The following SMURF2 variants were observed in gnomAD, a reference collection of about 807,000 sequenced individuals.
The protein encoded by SMURF2 is SMAD specific E3 ubiquitin protein ligase 2, also known as E3 ubiquitin-protein ligase SMURF2.
SMURF2 carries 48 observed loss-of-function variants against 109.6 expected under a neutral mutation model. The observed-to-expected ratio is 0.44, with a 90% CI of 0.35 to 0.56. The LOEUF is 0.56. Ranked by LOEUF, SMURF2 falls within the 20% of genes least tolerant of loss-of-function variation. The pLI is 0.01. For synonymous variants in SMURF2, 288 were observed against 317.1 expected, an observed-to-expected ratio of 0.91 and a Z score of 0.97; for missense variants, 575 against 909.0, an observed-to-expected ratio of 0.63 and a Z score of 4.72.
intron 1 of SMURF2, among the ~76,000 whole-genome samples, 187 bp from the exon 2 acceptor site, chr17:64,606,827 G>A (rs1388377333): frequency 6.6e-6 from 1 of 152,106 alleles, no homozygotes; most frequent in Non-Finnish European, 1.5e-5. Flanking sequence ...AACTTTCAAT[G>A]ATCACCAGTA....
intron 1 of SMURF2, among the ~76,000 whole-genome samples, chr17:64,612,298 C>T (rs563579069): frequency 6.6e-6 from 1 of 152,032 alleles, no homozygotes; most frequent in East Asian, 1.9e-4. Context: ...TGAAATAGAC[C>T]CTAAAATAAT....
chr17:64,605,744 AAT>A (rs71158333), intron 2 of SMURF2, among the ~76,000 whole-genome samples: 1,410 of 99,004 alleles, frequency 0.014, 34 homozygotes, highest in South Asian at 0.021. Flanking sequence ...CTCTAAAAAG[AAT>A]ATATATATAT....
At chr17:64,589,932 G>A (rs1969726145) in intron 5 of SMURF2, among the ~76,000 whole-genome samples, 1 of 151,886 alleles carries the variant, frequency 6.6e-6, no homozygotes, top group Admixed American at 6.6e-5. Flanking sequence ...AAAATGGTGG[G>A]GTGCGCTGGT....
chr17:64,550,383 G>A (rs536224327), intron 16 of SMURF2, among the ~76,000 whole-genome samples: 63 of 152,296 alleles, frequency 4.1e-4, no homozygotes, highest in African/African-American at 1.5e-3. Flanking sequence ...AGGAAATTCA[G>A]ATGCATTTGT....
In SMURF2 at chr17:64,662,024, A is replaced by G; in HGVS notation, c.-144T>C. The G allele has an allele frequency of 2.7e-6, 3 of 1,113,014 alleles. No individual in the cohort carries two copies. Among genetic ancestry groups the G allele is most frequent in the Non-Finnish European group, 2.2e-6 (2 of 912,364 alleles). The allele number at this position is 1,113,014 out of a possible 1,614,324, so 68.9% of individuals were successfully genotyped here. A position where few individuals can be genotyped will look rare whatever the true frequency, so the allele number is the denominator to read the frequency against. On this transcript the variant is annotated 5_prime_UTR_variant, in exon 1 of 19. Coordinates refer to ENST00000262435, the MANE Select transcript of SMURF2 (RefSeq NM_022739.4). ...GCCGGAGGGTCCCGGATGTGCCGAG[A>G]GTCGTCGCCATGAGCCGCGGAGGGA...
chr17:64,555,799 G>T, intron 14 of SMURF2, 21 bp downstream of exon 14: 1 of 1,513,736 alleles, frequency 6.6e-7, no homozygotes, highest in Admixed American at 1.9e-5. Context: ...ATAATGAAGA[G>T]ATAGAAGACT....
At chr17:64,611,089 C>T (rs1970037355) in intron 1 of SMURF2, among the ~76,000 whole-genome samples, 1 of 152,204 alleles carries the variant, frequency 6.6e-6, no homozygotes, top group Admixed American at 6.5e-5. Context: ...TGCTATAAAA[C>T]TTGAAGTTCT....
rs202030178 is a variant in SMURF2, at chr17:64,656,670, TA to T, written c.52+5158del. On this transcript the variant is annotated intron_variant, in intron 1 of 18. Coordinates refer to ENST00000262435, the MANE Select transcript of SMURF2 (RefSeq NM_022739.4). ...AAGCATCCTAAAAAAAAAGAATCCT[TA>T]AAAAAAAAATCAAAGTTACCTACAC... 3.2e-3 allele frequency among the ~76,000 whole-genome samples: 479 copies of T among 149,514 alleles called. 22 individuals are homozygous for T. In the East Asian group the frequency reaches 0.076, roughly 24 times the overall value.
chr17:64,596,654 A>C (rs1969823554), intron 3 of SMURF2, among the ~76,000 whole-genome samples: 2 of 151,878 alleles, frequency 1.3e-5, no homozygotes, highest in African/African-American at 4.8e-5. Context: ...TGCCAACATA[A>C]CAATAAAGGC....
At chr17:64,550,757 C>CAAA (rs146307567) in intron 16 of SMURF2, among the ~76,000 whole-genome samples, 4 of 69,692 alleles carry the variant, frequency 5.7e-5, no homozygotes, top group Non-Finnish European at 1.1e-4. Flanking sequence ...ACTCTGTCTC[C>CAAA]AAAAAAAAAA....
chr17:64,564,103 A>G (rs1969266802), intron 10 of SMURF2, among the ~76,000 whole-genome samples: 1 of 152,360 alleles, frequency 6.6e-6, no homozygotes, highest in African/African-American at 2.4e-5. Context: ...CAAAGAAGCC[A>G]TTCTACTCCT....
intron 10 of SMURF2, among the ~76,000 whole-genome samples, chr17:64,564,345 C>T (rs1969271315): frequency 6.6e-6 from 1 of 152,130 alleles, no homozygotes; most frequent in Non-Finnish European, 1.5e-5. Flanking sequence ...AGAAATCATA[C>T]TGCATGATTC....
intron 1 of SMURF2, among the ~76,000 whole-genome samples, chr17:64,642,392 A>T (rs1796423717): frequency 6.6e-6 from 1 of 152,198 alleles, no homozygotes; most frequent in Non-Finnish European, 1.5e-5. Flanking sequence ...GGATAAATAT[A>T]CTTATCAGGC....
chr17:64,603,348 G>A (rs147103198), intron 2 of SMURF2, among the ~76,000 whole-genome samples: 276 of 152,168 alleles, frequency 1.8e-3, no homozygotes, highest in African/African-American at 6.3e-3. Flanking sequence ...TTGAGAGGCC[G>A]AGGCAGGCGG....
intron 1 of SMURF2, among the ~76,000 whole-genome samples, chr17:64,619,665 T>TGGTAGACAAGG (rs1970177227): frequency 6.6e-6 from 1 of 152,000 alleles, no homozygotes. Flanking sequence ...GCCGTCTTCC[T>TGGTAGACAAGG]GGTTTGCATA....
At chr17:64,652,071 A>G (rs1451080964) in intron 1 of SMURF2, among the ~76,000 whole-genome samples, 3 of 152,222 alleles carry the variant, frequency 2.0e-5, no homozygotes, top group African/African-American at 7.2e-5. Context: ...TGGTAAACAG[A>G]CACTTACGTT....
chr17:64,549,926 C>T (rs1229377761), intron 16 of SMURF2, among the ~76,000 whole-genome samples: 2 of 152,164 alleles, frequency 1.3e-5, no homozygotes, highest in African/African-American at 4.8e-5. Flanking sequence ...ACTGAATTAA[C>T]ACCACACTGA....
chr17:64,615,908 C>A (rs1217037675), intron 1 of SMURF2, among the ~76,000 whole-genome samples: 1 of 152,124 alleles, frequency 6.6e-6, no homozygotes, highest in African/African-American at 2.4e-5. Context: ...CAGCTCACTG[C>A]AATCTCTGCC....
chr17:64,615,659 C>T (rs1370673813), intron 1 of SMURF2, among the ~76,000 whole-genome samples: 6 of 152,136 alleles, frequency 3.9e-5, no homozygotes, highest in African/African-American at 1.4e-4. Flanking sequence ...AAGAGTATTA[C>T]ACAGATTCAC....
Sources: gnomAD v4.1 joint callset for allele counts (sites outside exome capture counted in the v4.1 genomes callset) on GRCh38, gnomAD v4.1.1 for gene constraint, MANE v1.5 for transcripts, NCBI Gene and HGNC (gene_info 2026-07-23, HGNC 2026-07-21) for gene names.